The following SPATA17 variants were observed in gnomAD, a reference collection of about 807,000 sequenced individuals.
The protein encoded by SPATA17 is spermatogenesis-associated protein 17.
SPATA17 carries 53 observed loss-of-function variants against 62.2 expected under a neutral mutation model. The ratio of observed to expected loss-of-function variants is 0.85; its 90% CI spans 0.68 to 1.07. SPATA17 has a LOEUF of 1.07. Ranked by LOEUF, SPATA17 falls within the 50% of genes least tolerant of loss-of-function variation. The pLI, the probability that SPATA17 is intolerant of heterozygous loss-of-function variation, is 0.00. For missense variants in SPATA17, 466 were observed against 425.5 expected, an observed-to-expected ratio of 1.10 and a Z score of -0.84; for synonymous variants, 146 against 146.8, an observed-to-expected ratio of 0.99 and a Z score of 0.04.
At chr1:217,738,785 C>T (rs1672567433) in intron 5 of SPATA17, among the ~76,000 whole-genome samples, 1 of 152,168 alleles carries the variant, frequency 6.6e-6, no homozygotes, top group Non-Finnish European at 1.5e-5. Flanking sequence ...AACACTATCT[C>T]TACTAAAAAT....
At position 217,859,925 on chromosome 1, in the gene SPATA17, T is replaced by C. The variant is rs7549826; in HGVS notation, c.1006-2849T>C. On this transcript the variant is annotated intron_variant, in intron 9 of 10. Coordinates refer to ENST00000366933, the MANE Select transcript of SPATA17 (RefSeq NM_138796.4). The stretch of plus-strand genomic sequence containing the variant: ...TGATTTTTGCTCTGATTTTATTATT[T>C]CTTTGCTTCTGCTTACTTTGTAATT... Among the ~76,000 whole-genome samples the C allele has an allele frequency of 4.3e-3, 656 of 152,218 alleles. 5 individuals are homozygous for C. Among genetic ancestry groups the C allele is most frequent in the African/African-American group, 0.015 (628 of 41,564 alleles).
chr1:217,792,216 A>G (rs754185241), intron 8 of SPATA17, among the ~76,000 whole-genome samples: 1 of 152,160 alleles, frequency 6.6e-6, no homozygotes, highest in African/African-American at 2.4e-5. Flanking sequence ...TATGGTCTGG[A>G]TGGTGTGGTC....
chr1:217,702,175 T>C (rs116326663), intron 5 of SPATA17, among the ~76,000 whole-genome samples: 6,735 of 152,222 alleles, frequency 0.044, 228 homozygotes, highest in Middle Eastern at 0.1. Flanking sequence ...ATTAAACCTT[T>C]TTTAACTAAC....
intron 5 of SPATA17, among the ~76,000 whole-genome samples, chr1:217,726,023 A>C (rs1417197659): frequency 6.6e-6 from 1 of 152,178 alleles, no homozygotes; most frequent in African/African-American, 2.4e-5. Context: ...TTGTTTATAT[A>C]CAGGAAAGTA....
chr1:217,745,093 C>G (rs190521617), intron 6 of SPATA17, among the ~76,000 whole-genome samples: 1 of 152,142 alleles, frequency 6.6e-6, no homozygotes, highest in Non-Finnish European at 1.5e-5. Context: ...TTAGAAATTT[C>G]TATACTGGTG....
chr1:217,683,215 A>C, intron 4 of SPATA17, 43 bp from the exon 5 acceptor site: 1 of 1,363,560 alleles, frequency 7.3e-7, no homozygotes, highest in Non-Finnish European at 1.0e-6. Flanking sequence ...TTTTTAATAA[A>C]AGTGTTTAAT....
At chr1:217,648,017 G>A (rs1019307750) in intron 1 of SPATA17, among the ~76,000 whole-genome samples, 2 of 151,292 alleles carry the variant, frequency 1.3e-5, no homozygotes, top group Admixed American at 1.3e-4. Flanking sequence ...GTCACCAAGC[G>A]GGCCTTACTC....
rs919403306 is a variant in SPATA17, at chr1:217,867,393, A to T, written c.*374A>T. Reference sequence around the variant, plus strand: ...GGGCGACTAACATGTAAGTAGGATGATGAATGGTTTGAAGTGTAAATTGTG... The same window carrying T: ...GGGCGACTAACATGTAAGTAGGATGTTGAATGGTTTGAAGTGTAAATTGTG... On this transcript the variant is annotated 3_prime_UTR_variant, in exon 11 of 11. Coordinates refer to ENST00000366933, the MANE Select transcript of SPATA17 (RefSeq NM_138796.4). The T allele has an allele frequency of 2.6e-5, 4 of 152,220 alleles. No individual in the cohort carries two copies. Among genetic ancestry groups the T allele is most frequent in the Admixed American group, 2.6e-4 (4 of 15,268 alleles). 9.4% of individuals were successfully genotyped at this position (152,220 alleles called of 1,614,324 possible).
intron 5 of SPATA17, among the ~76,000 whole-genome samples, chr1:217,731,127 T>C (rs1283796987): frequency 1.3e-5 from 2 of 152,126 alleles, no homozygotes; most frequent in Admixed American, 6.5e-5. Flanking sequence ...TTCTAATGGT[T>C]TCTTCTCTGC....
intron 5 of SPATA17, among the ~76,000 whole-genome samples, chr1:217,722,024 A>G (rs1672138313): frequency 6.6e-6 from 1 of 152,082 alleles, no homozygotes; most frequent in Non-Finnish European, 1.5e-5. Flanking sequence ...AAGAGGCAGG[A>G]TTGTCACCCT....
intron 6 of SPATA17, among the ~76,000 whole-genome samples, chr1:217,765,147 G>A (rs974716717): frequency 1.3e-5 from 2 of 151,238 alleles, no homozygotes; most frequent in African/African-American, 2.4e-5. Context: ...TTAGTAATTT[G>A]CATCTTCTTT....
intron 3 of SPATA17, among the ~76,000 whole-genome samples, chr1:217,661,418 T>C (rs1670565943): frequency 6.6e-6 from 1 of 152,088 alleles, no homozygotes; most frequent in African/African-American, 2.4e-5. Context: ...AATTCTCCTA[T>C]ACCCAAATAT....
intron 6 of SPATA17, among the ~76,000 whole-genome samples, chr1:217,769,287 C>A (rs1007415346): frequency 1.3e-5 from 2 of 152,190 alleles, no homozygotes; most frequent in African/African-American, 4.8e-5. Flanking sequence ...GATGGTATAG[C>A]ACTATAGTTA....
intron 5 of SPATA17, among the ~76,000 whole-genome samples, chr1:217,686,539 TTTAAC>T (rs201069769): frequency 0.05 from 7,628 of 152,252 alleles, 250 homozygotes; most frequent in Middle Eastern, 0.12. Context: ...GATTTTTTCT[TTTAAC>T]TTATTTTTGT....
chr1:217,637,637 T>C (rs1368597942), intron 1 of SPATA17, among the ~76,000 whole-genome samples: 2 of 152,218 alleles, frequency 1.3e-5, no homozygotes, highest in Non-Finnish European at 2.9e-5. Context: ...GTATCCTTAG[T>C]CTAATAATTT....
chr1:217,847,408 G>A (rs1675553366), intron 9 of SPATA17, among the ~76,000 whole-genome samples: 1 of 152,112 alleles, frequency 6.6e-6, no homozygotes, highest in East Asian at 1.9e-4. Context: ...AATAGCTTGT[G>A]AGGAAATTCA....
intron 10 of SPATA17, among the ~76,000 whole-genome samples, chr1:217,864,565 A>G (rs1675969878): frequency 6.6e-6 from 1 of 151,926 alleles, no homozygotes; most frequent in Admixed American, 6.6e-5. Flanking sequence ...ACTTGCACCC[A>G]CTATTATATT....
chr1:217,690,473 A>AT (rs60737502), intron 5 of SPATA17, among the ~76,000 whole-genome samples: 16 of 79,526 alleles, frequency 2.0e-4, no homozygotes, highest in South Asian at 3.0e-4. Context: ...TTTATTTTTT[A>AT]TTTTTTTTTT....
intron 5 of SPATA17, among the ~76,000 whole-genome samples, chr1:217,687,334 A>G (rs190581196): frequency 8.6e-4 from 131 of 152,288 alleles, no homozygotes; most frequent in African/African-American, 3.0e-3. Flanking sequence ...GTTTAAACAT[A>G]AAACAGATGT....
Sources: gnomAD v4.1 joint callset for allele counts (sites outside exome capture counted in the v4.1 genomes callset) on GRCh38, gnomAD v4.1.1 for gene constraint, MANE v1.5 for transcripts, NCBI Gene and HGNC (gene_info 2026-07-23, HGNC 2026-07-21) for gene names.